Variants in DPP10 observed in about 807,000 individuals in gnomAD.
DPP10 encodes the protein inactive dipeptidyl peptidase 10.
Under a neutral mutation model 120.9 loss-of-function variants are expected in DPP10, and 33 were observed. That is an observed-to-expected ratio of 0.27 (90% CI 0.21 to 0.37). The LOEUF is 0.37. DPP10 is among the 10% of genes least tolerant of loss of function. DPP10 has a pLI of 1.00. For synonymous variants in DPP10, 337 were observed against 326.1 expected (o/e 1.03, Z -0.36); for missense variants, 816 against 942.8 (o/e 0.87, Z 1.76).
chr2:115,467,947 T>C (rs2074434202), intron 3 of DPP10: 1 of 225,742 alleles, frequency 4.4e-6, no homozygotes, highest in Non-Finnish European at 8.8e-6. Context: ...AAGAGAATCA[T>C]GAAGATTATC....
intron 9 of DPP10, among the ~76,000 whole-genome samples, chr2:115,744,079 G>T (rs1327277265): frequency 6.6e-6 from 1 of 150,630 alleles, no homozygotes; most frequent in East Asian, 1.9e-4. Flanking sequence ...ATTAAAATTT[G>T]CACACTCACT....
chr2:115,030,444 G>A (rs1703758989), intron 1 of DPP10, among the ~76,000 whole-genome samples: 1 of 152,040 alleles, frequency 6.6e-6, no homozygotes, highest in Non-Finnish European at 1.5e-5. Context: ...TTTCAATTAT[G>A]AGACTCGATT....
intron 1 of DPP10, among the ~76,000 whole-genome samples, chr2:114,600,294 A>G (rs1457476675): frequency 6.6e-6 from 1 of 151,760 alleles, no homozygotes; most frequent in Non-Finnish European, 1.5e-5. Context: ...TTTCTTCTGT[A>G]ATATCCCATT....
chr2:114,861,341 C>T (rs1034177364), intron 1 of DPP10, among the ~76,000 whole-genome samples: 13 of 151,626 alleles, frequency 8.6e-5, no homozygotes, highest in Non-Finnish European at 1.5e-4. Flanking sequence ...CACACCAAAC[C>T]TCGAGTACCA....
At chr2:114,939,138 T>C (rs1696703633) in intron 1 of DPP10, among the ~76,000 whole-genome samples, 1 of 152,028 alleles carries the variant, frequency 6.6e-6, no homozygotes, top group African/African-American at 2.4e-5. Flanking sequence ...AAAGAAAACA[T>C]TATTAAGACA....
intron 1 of DPP10, among the ~76,000 whole-genome samples, chr2:114,621,419 G>A (rs1367842499): frequency 6.6e-6 from 1 of 152,010 alleles, no homozygotes; most frequent in African/African-American, 2.4e-5. Context: ...CACCATGTAA[G>A]TCCCTCACTA....
At chr2:114,504,562 A>C (rs1388460567) in intron 1 of DPP10, among the ~76,000 whole-genome samples, 2 of 149,684 alleles carry the variant, frequency 1.3e-5, no homozygotes, top group African/African-American at 4.9e-5. Flanking sequence ...TCCTTTTTAT[A>C]CCTTACTGAG....
intron 5 of DPP10, among the ~76,000 whole-genome samples, chr2:115,590,321 C>T (rs1171779528): frequency 6.6e-6 from 1 of 151,960 alleles, no homozygotes; most frequent in Non-Finnish European, 1.5e-5. Flanking sequence ...TCCCCCTTAC[C>T]CCCACCTCAC....
rs772832136 is a variant in DPP10, at chr2:114,476,528, A to G, written c.60+33690A>G. ...AGGCCCAAAAAAGAAACAAAAAAAT[A>G]TGGTGGCTCTTTTTGAGAAACAATG... On this transcript the variant is annotated intron_variant, in intron 1 of 25. Transcript: ENST00000410059. Among the ~76,000 whole-genome samples the G allele has an allele frequency of 5.8e-4, 89 of 152,204 alleles. 1 individual carries two copies. Among genetic ancestry groups the G allele is most frequent in the Non-Finnish European group, 1.5e-4 (10 of 68,026 alleles).
At chr2:115,771,144 G>A (rs1000051312) in intron 13 of DPP10, among the ~76,000 whole-genome samples, 6 of 151,726 alleles carry the variant, frequency 4.0e-5, no homozygotes, top group African/African-American at 1.5e-4. Context: ...ACACGATCTC[G>A]GCTCACTGCA....
intron 7 of DPP10, among the ~76,000 whole-genome samples, chr2:115,726,167 A>G (rs910655714): frequency 3.3e-5 from 5 of 152,114 alleles, no homozygotes; most frequent in African/African-American, 7.2e-5. Context: ...TACTACCACT[A>G]TTGCTGCTAC....
intron 11 of DPP10, among the ~76,000 whole-genome samples, chr2:115,755,948 A>G (rs1190629352): frequency 2.0e-5 from 3 of 151,544 alleles, no homozygotes; most frequent in Admixed American, 6.6e-5. Flanking sequence ...GTGTGTGTAT[A>G]TATATACATA....
At chr2:114,465,286 A>G (rs1022711642) in intron 1 of DPP10, among the ~76,000 whole-genome samples, 12 of 152,140 alleles carry the variant, frequency 7.9e-5, no homozygotes, top group African/African-American at 2.9e-4. Flanking sequence ...GGAGTGTAGC[A>G]CTCAGTAAAT....
chr2:115,452,587 C>T (rs2073193951), intron 3 of DPP10, among the ~76,000 whole-genome samples: 1 of 151,894 alleles, frequency 6.6e-6, no homozygotes, highest in Admixed American at 6.6e-5. Flanking sequence ...TCTGTGCCTG[C>T]TTGTATTCTT....
chr2:114,539,895 T>C (rs1252070188), intron 1 of DPP10, among the ~76,000 whole-genome samples: 4 of 152,206 alleles, frequency 2.6e-5, no homozygotes, highest in African/African-American at 4.8e-5. Context: ...CAACCATTTA[T>C]ATTCTTTTAT....
chr2:115,749,932 A>G, intron 10 of DPP10: 13 of 960,732 alleles, frequency 1.4e-5, no homozygotes, highest in Non-Finnish European at 1.6e-5. Flanking sequence ...CACCCAGCTG[A>G]TAGAAAGTCT....
Position 114,663,640 on chromosome 2 carries a change from G to GATATATAT in DPP10, c.60+220824_60+220831dup, listed in dbSNP as rs748891458. ...ATATATGTCTATATATACATGTACA[G>GATATATAT]ATATATATATATATATATATATATA... is the stretch of plus-strand genomic sequence containing the variant. On this transcript the variant is annotated intron_variant, in intron 1 of 25. Coordinates refer to ENST00000410059, the MANE Select transcript of DPP10 (RefSeq NM_020868.6). Among the ~76,000 whole-genome samples, 28 of 107,862 alleles carry GATATATAT rather than the reference G, an allele frequency of 2.6e-4. 1 individual carries two copies. Among genetic ancestry groups the GATATATAT allele is most frequent in the African/African-American group, 9.8e-4 (20 of 20,398 alleles). 70.8% of individuals were successfully genotyped at this position (107,862 alleles called of 152,430 possible).
chr2:114,738,951 C>G (rs1481294333), intron 1 of DPP10, among the ~76,000 whole-genome samples: 6 of 152,138 alleles, frequency 3.9e-5, no homozygotes, highest in Non-Finnish European at 8.8e-5. Context: ...AAATGTCTCC[C>G]CTATCCTAAT....
intron 3 of DPP10, among the ~76,000 whole-genome samples, chr2:115,362,660 C>T (rs1020410494): frequency 7.2e-5 from 11 of 151,996 alleles, no homozygotes; most frequent in Non-Finnish European, 1.5e-4. Flanking sequence ...AAAATAACCT[C>T]TAAGTTCAAC....
Sources: gnomAD v4.1 joint callset for allele counts (sites outside exome capture counted in the v4.1 genomes callset) on GRCh38, gnomAD v4.1.1 for gene constraint, MANE v1.5 for transcripts, NCBI Gene and HGNC (gene_info 2026-07-23, HGNC 2026-07-21) for gene names.